Variants in PPM1L observed in about 807,000 individuals in gnomAD.
The protein encoded by PPM1L is protein phosphatase 1L.
In PPM1L, 13 loss-of-function variants were observed where a neutral mutation model predicts 31.4. The ratio of observed to expected loss-of-function variants is 0.41; its 90% CI spans 0.27 to 0.66. The LOEUF (loss-of-function observed/expected upper bound fraction) is 0.66. Among genes scored for constraint, PPM1L ranks in the 30% least tolerant of loss-of-function variants. The probability of loss-of-function intolerance (pLI) is 0.29; values close to 1 mark genes in which losing one functional copy is unlikely to be tolerated. For synonymous variants in PPM1L, 184 were observed against 175.4 expected (o/e 1.05, Z -0.39); for missense variants, 326 against 453.7 (o/e 0.72, Z 2.56).
At position 160,827,726 on chromosome 3, in the gene PPM1L, G is replaced by A. The variant is rs17289334; in HGVS notation, c.399+71019G>A. On this transcript the variant is annotated intron_variant, in intron 1 of 3. Transcript: ENST00000498165. The stretch of plus-strand genomic sequence containing the variant: ...ACTAATGACTGAAACAGATTCATGT[G>A]TGTAGAAACCAGATGGGTCAGTGGG... Among the ~76,000 whole-genome samples, 820 of 152,238 alleles carry A rather than the reference G, an allele frequency of 5.4e-3. 14 individuals carry two copies. The highest frequency in any genetic ancestry group is 0.045 in the East Asian group (230 of 5,168).
chr3:161,014,456 C>G (rs1718009867), intron 2 of PPM1L, among the ~76,000 whole-genome samples: 1 of 149,418 alleles, frequency 6.7e-6, no homozygotes, highest in Admixed American at 6.7e-5. Flanking sequence ...CCAAATATCC[C>G]TTTTTTTCAA....
intron 1 of PPM1L, among the ~76,000 whole-genome samples, chr3:160,787,496 A>G (rs1711970968): frequency 1.3e-5 from 2 of 151,984 alleles, no homozygotes; most frequent in African/African-American, 4.8e-5. Flanking sequence ...TGGATATTAG[A>G]CCTTTATTGG....
chr3:160,815,942 T>C (rs1712981533), intron 1 of PPM1L, among the ~76,000 whole-genome samples: 1 of 152,124 alleles, frequency 6.6e-6, no homozygotes, highest in Non-Finnish European at 1.5e-5. Context: ...TTAAGTTAGA[T>C]GCCAGAAACT....
chr3:160,976,511 C>T (rs1366749254), intron 2 of PPM1L, among the ~76,000 whole-genome samples: 2 of 147,920 alleles, frequency 1.4e-5, no homozygotes, highest in Admixed American at 6.8e-5. Context: ...TCCTGGACTC[C>T]TTTTGGTTGG....
intron 1 of PPM1L, among the ~76,000 whole-genome samples, chr3:160,846,512 C>T (rs992010280): frequency 1.3e-5 from 2 of 152,068 alleles, no homozygotes; most frequent in African/African-American, 2.4e-5. Flanking sequence ...TTAGGATCCT[C>T]ACCTTGAAAG....
chr3:160,945,094 G>A (rs1193094152), intron 1 of PPM1L, among the ~76,000 whole-genome samples: 25 of 117,016 alleles, frequency 2.1e-4, no homozygotes, highest in African/African-American at 6.4e-4. Context: ...TATATAACAT[G>A]TTATATATAA....
chr3:161,055,218 T>C (rs78465543), intron 2 of PPM1L, among the ~76,000 whole-genome samples: 7,224 of 152,270 alleles, frequency 0.047, 223 homozygotes, highest in Non-Finnish European at 0.062. Flanking sequence ...TTCTATGCCA[T>C]GGCATTGATT....
At chr3:160,816,468 G>A (rs957572956) in intron 1 of PPM1L, among the ~76,000 whole-genome samples, 1 of 136,930 alleles carries the variant, frequency 7.3e-6, no homozygotes, top group African/African-American at 3.0e-5. Context: ...ATTTAAGAAA[G>A]ACAGAGTCTG....
Position 160,763,633 on chromosome 3 carries a change from G to A in PPM1L, c.399+6926G>A, listed in dbSNP as rs1457846736. ...GCACTATTATTGAAGCTGTGCTGAG[G>A]AGCCTGGGCCATGTTCTGTATATAT... On this transcript the variant is annotated intron_variant, in intron 1 of 3. Transcript: ENST00000498165. Among the ~76,000 whole-genome samples the A allele has an allele frequency of 7.9e-5, 12 of 152,338 alleles. 1 individual carries two copies. The highest frequency in any genetic ancestry group is 7.8e-4 in the Admixed American group (12 of 15,308).
At chr3:160,908,087 A>G (rs1415904211) in intron 1 of PPM1L, among the ~76,000 whole-genome samples, 2 of 152,132 alleles carry the variant, frequency 1.3e-5, no homozygotes, top group South Asian at 2.1e-4. Flanking sequence ...AATTCTTTGT[A>G]TTGTCTGTGT....
intron 1 of PPM1L, among the ~76,000 whole-genome samples, chr3:160,902,658 G>A (rs1430621103): frequency 6.6e-6 from 1 of 151,968 alleles, no homozygotes; most frequent in Non-Finnish European, 1.5e-5. Context: ...TTTCTACATC[G>A]ACTGAATTTC....
chr3:160,861,587 G>A (rs1241397286), intron 1 of PPM1L, among the ~76,000 whole-genome samples: 2 of 152,116 alleles, frequency 1.3e-5, no homozygotes, highest in Non-Finnish European at 1.5e-5. Context: ...TCTGTATAGC[G>A]GGGGACAATA....
chr3:160,762,684 G>A (rs1333124525), intron 1 of PPM1L, among the ~76,000 whole-genome samples: 1 of 152,124 alleles, frequency 6.6e-6, no homozygotes, highest in Non-Finnish European at 1.5e-5. Flanking sequence ...TTGTATCCTA[G>A]CATTTCTGTA....
chr3:160,860,243 A>G (rs530393910), intron 1 of PPM1L, among the ~76,000 whole-genome samples: 4 of 152,182 alleles, frequency 2.6e-5, no homozygotes, highest in Non-Finnish European at 5.9e-5. Context: ...CTTCCTCCAA[A>G]TCATTTTTAA....
intron 1 of PPM1L, among the ~76,000 whole-genome samples, chr3:160,887,698 A>T (rs1177481272): frequency 6.6e-6 from 1 of 150,420 alleles, no homozygotes; most frequent in Non-Finnish European, 1.5e-5. Context: ...CTCCTGCCTC[A>T]GCCTCCCTAG....
intron 1 of PPM1L, among the ~76,000 whole-genome samples, chr3:160,760,710 G>GTT (rs200454441): frequency 2.0e-5 from 3 of 151,082 alleles, no homozygotes; most frequent in African/African-American, 7.3e-5. Context: ...GGCAAAAGGT[G>GTT]GTTTTTTTTT....
chr3:160,813,841 T>A (rs4549318), intron 1 of PPM1L, among the ~76,000 whole-genome samples: 13,897 of 152,160 alleles, frequency 0.091, 955 homozygotes, highest in African/African-American at 0.19. Flanking sequence ...GAAGTGAAGT[T>A]GGTACATTTG....
chr3:161,051,172 T>C (rs559121050), intron 2 of PPM1L, among the ~76,000 whole-genome samples: 1 of 152,286 alleles, frequency 6.6e-6, no homozygotes, highest in Admixed American at 6.5e-5. Flanking sequence ...CACCCATACA[T>C]CTGGGCTCTC....
intron 1 of PPM1L, among the ~76,000 whole-genome samples, chr3:160,816,806 T>G (rs1713009366): frequency 6.6e-6 from 1 of 152,126 alleles, no homozygotes; most frequent in African/African-American, 2.4e-5. Context: ...TTGGCCTCAC[T>G]TCTAACCTTA....
Sources: allele counts gnomAD v4.1 joint callset (sites outside exome capture counted in the v4.1 genomes callset), GRCh38; gene constraint gnomAD v4.1.1; transcripts MANE v1.5; gene names NCBI Gene and HGNC (gene_info 2026-07-23, HGNC 2026-07-21).